The following PTPRT variants were observed in gnomAD, a reference collection of about 807,000 sequenced individuals.
PTPRT encodes protein tyrosine phosphatase receptor type T, also known as receptor-type tyrosine-protein phosphatase T.
In PTPRT, 56 loss-of-function variants were observed where a neutral mutation model predicts 176.8. The observed-to-expected ratio is 0.32, with a 90% confidence interval of 0.26 to 0.40. PTPRT has a LOEUF of 0.40. Ranked by LOEUF, PTPRT falls within the 10% of genes least tolerant of loss-of-function variation. The pLI is 1.00. For synonymous variants in PTPRT, 783 were observed against 739.0 expected, an observed-to-expected ratio of 1.06 and a Z score of -0.96; for missense variants, 1,540 against 1,908.2, an observed-to-expected ratio of 0.81 and a Z score of 3.60.
At chr20:42,668,023 A>G (rs1421883327) in intron 7 of PTPRT, among the ~76,000 whole-genome samples, 1 of 152,204 alleles carries the variant, frequency 6.6e-6, no homozygotes, top group Non-Finnish European at 1.5e-5. Context: ...TTCAAGTTTC[A>G]GTCTCTGGAA....
intron 1 of PTPRT, among the ~76,000 whole-genome samples, chr20:43,064,458 C>T (rs1987602761): frequency 1.3e-5 from 2 of 152,152 alleles, no homozygotes; most frequent in Non-Finnish European, 2.9e-5. Context: ...CGCATACCCT[C>T]CTCTATGGTC....
At chr20:42,401,311 A>C (rs1014691980) in intron 9 of PTPRT, among the ~76,000 whole-genome samples, 25 of 152,050 alleles carry the variant, frequency 1.6e-4, no homozygotes, top group Non-Finnish European at 3.4e-4. Context: ...GATAATATGC[A>C]AGGAAAGTTC....
At chr20:42,443,867 T>C (rs1421273992) in intron 9 of PTPRT, among the ~76,000 whole-genome samples, 1 of 152,236 alleles carries the variant, frequency 6.6e-6, no homozygotes, top group Admixed American at 6.5e-5. Context: ...TTTTAATAAA[T>C]AGTTCATCTT....
chr20:42,195,531 CTGATGCA>C (rs1311972686), intron 16 of PTPRT, among the ~76,000 whole-genome samples: 4 of 152,134 alleles, frequency 2.6e-5, no homozygotes, highest in African/African-American at 9.7e-5. Context: ...TTAAAGGTAC[CTGATGCA>C]TTCTAGGGCA....
chr20:42,172,229 AC>A (rs1990108239), intron 16 of PTPRT, among the ~76,000 whole-genome samples: 1 of 152,230 alleles, frequency 6.6e-6, no homozygotes, highest in Non-Finnish European at 1.5e-5. Flanking sequence ...ATAAGAACAG[AC>A]ATGGAACATA....
intron 1 of PTPRT, among the ~76,000 whole-genome samples, chr20:42,950,574 C>T (rs1251037291): frequency 6.6e-6 from 1 of 152,182 alleles, no homozygotes; most frequent in Non-Finnish European, 1.5e-5. Flanking sequence ...AGAGGCAGAA[C>T]TGGGATCCCT....
intron 12 of PTPRT, among the ~76,000 whole-genome samples, chr20:42,296,181 C>T (rs1350574775): frequency 1.3e-5 from 2 of 152,216 alleles, no homozygotes; most frequent in African/African-American, 2.4e-5. Context: ...GGTGCCCTGG[C>T]TTACGCCTGT....
At chr20:42,343,978 C>A (rs967208068) in intron 11 of PTPRT, among the ~76,000 whole-genome samples, 15 of 152,238 alleles carry the variant, frequency 9.9e-5, no homozygotes, top group African/African-American at 3.6e-4. Flanking sequence ...CAGCTCACTG[C>A]AACCTCTGCC....
chr20:42,290,265 A>G (rs769477012), intron 12 of PTPRT, among the ~76,000 whole-genome samples: 4 of 152,022 alleles, frequency 2.6e-5, no homozygotes, highest in Non-Finnish European at 4.4e-5. Context: ...ATATAATTTC[A>G]TTTCCTTATC....
At chr20:42,707,084 C>G (rs1334683841) in intron 6 of PTPRT, among the ~76,000 whole-genome samples, 3 of 152,188 alleles carry the variant, frequency 2.0e-5, no homozygotes, top group Non-Finnish European at 2.9e-5. Flanking sequence ...CCTTCAGATT[C>G]CAAAAGGAGT....
intron 7 of PTPRT, among the ~76,000 whole-genome samples, chr20:42,499,015 C>T (rs941612549): frequency 6.6e-6 from 1 of 152,138 alleles, no homozygotes; most frequent in African/African-American, 2.4e-5. Context: ...TGTCACAGGC[C>T]ATGATTTTAA....
At chr20:43,022,376 G>T (rs959897320) in intron 1 of PTPRT, among the ~76,000 whole-genome samples, 4 of 152,180 alleles carry the variant, frequency 2.6e-5, no homozygotes, top group Non-Finnish European at 5.9e-5. Flanking sequence ...AATTATCCTT[G>T]CACCATAGAC....
chr20:42,197,378 A>G (rs1416460242), intron 16 of PTPRT, among the ~76,000 whole-genome samples: 1 of 132,732 alleles, frequency 7.5e-6, no homozygotes, highest in African/African-American at 2.9e-5. Flanking sequence ...GACTCCATCA[A>G]AAAAAAAAAA....
chr20:42,206,973 G>A (rs1432733493), intron 15 of PTPRT, among the ~76,000 whole-genome samples: 6 of 152,120 alleles, frequency 3.9e-5, no homozygotes, highest in Admixed American at 1.3e-4. Flanking sequence ...TCCTCAAGTG[G>A]GTCCCTGACC....
At chr20:42,393,094 CT>C (rs1201271623) in intron 9 of PTPRT, among the ~76,000 whole-genome samples, 1 of 152,164 alleles carries the variant, frequency 6.6e-6, no homozygotes, top group Non-Finnish European at 1.5e-5. Flanking sequence ...CTCCATCCCC[CT>C]GTGTCTTCAG....
chr20:42,451,289 AACTGGGGGAT>A, intron 8 of PTPRT, among the ~76,000 whole-genome samples: 1 of 152,190 alleles, frequency 6.6e-6, no homozygotes, highest in Admixed American at 6.5e-5. Flanking sequence ...TGTTTTACAC[AACTGGGGGAT>A]CAAAATGTTG....
At chr20:42,648,103 G>T (rs1000271289) in intron 7 of PTPRT, among the ~76,000 whole-genome samples, 2 of 152,080 alleles carry the variant, frequency 1.3e-5, no homozygotes, top group African/African-American at 2.4e-5. Flanking sequence ...GAGGTTGTCT[G>T]GGGTTTTTAC....
chr20:42,217,328 T>C (rs1224825035), intron 15 of PTPRT, among the ~76,000 whole-genome samples: 2 of 145,016 alleles, frequency 1.4e-5, no homozygotes, highest in Non-Finnish European at 3.0e-5. Flanking sequence ...TGAGCCGAGA[T>C]CACACCAATG....
intron 23 of PTPRT, among the ~76,000 whole-genome samples, chr20:42,110,050 T>TC (rs1491263382): frequency 2.0e-5 from 2 of 99,312 alleles, no homozygotes; most frequent in African/African-American, 7.6e-5. Context: ...GGACTTTTTC[T>TC]TTTTTTTTTT....
Sources: allele counts gnomAD v4.1 joint callset (sites outside exome capture counted in the v4.1 genomes callset), GRCh38; gene constraint gnomAD v4.1.1; transcripts MANE v1.5; gene names NCBI Gene and HGNC (gene_info 2026-07-23, HGNC 2026-07-21).